The following DNMT1 variants were observed in gnomAD, a reference collection of about 807,000 sequenced individuals.
The protein encoded by DNMT1 is DNA methyltransferase 1.
In DNMT1, 24 loss-of-function variants were observed where a neutral mutation model predicts 205.3. The observed-to-expected ratio is 0.12, with a 90% confidence interval of 0.08 to 0.16. The LOEUF (loss-of-function observed/expected upper bound fraction) is 0.16. Among genes scored for constraint, DNMT1 ranks in the 10% least tolerant of loss-of-function variants. The probability of loss-of-function intolerance (pLI) is 1.00; values close to 1 mark genes in which losing one functional copy is unlikely to be tolerated. For synonymous variants in DNMT1, 817 were observed against 839.8 expected (o/e 0.97, Z 0.47); for missense variants, 1,293 against 2,177.7 (o/e 0.59, Z 8.09).
chr19:10,148,999 A>T lies in DNMT1; in HGVS notation c.2605T>A (p.Ser869Thr). The T allele has an allele frequency of 6.2e-7, 1 of 1,613,996 alleles. No individual in the cohort carries two copies. Among genetic ancestry groups the T allele is most frequent in the Non-Finnish European group, 8.5e-7 (1 of 1,180,008 alleles). ...TTCCCGTCGTCCCCCTCCAGCAGGG[A>T]CTCGGGATCCATGCCTCCCTTGGGA... ...WAMEGGMDPE[S>T]LLEGDDGKTY... Residue 869 changes from serine (S) to threonine (T), a missense_variant, in exon 27 of 41, where the codon TCC becomes ACC. By Grantham distance (58) the Ser-to-Thr change is moderately conservative (BLOSUM62 1). Coordinates refer to ENST00000359526, the MANE Select transcript of DNMT1 (RefSeq NM_001130823.3).
intron 8 of DNMT1, 37 bp downstream of exon 8, chr19:10,173,834 C>T (rs762785628): frequency 2.5e-6 from 4 of 1,610,964 alleles, no homozygotes; most frequent in Middle Eastern, 1.7e-4. Context: ...TTACACAACT[C>T]GTAGAACAAA....
At chr19:10,193,412 T>C (rs961345454) in intron 1 of DNMT1, among the ~76,000 whole-genome samples, 1 of 151,700 alleles carries the variant, frequency 6.6e-6, no homozygotes, top group Admixed American at 6.6e-5. Context: ...CAGGCTGGAG[T>C]GCAATAGCGC....
At position 10,162,676 on chromosome 19, in the gene DNMT1, C is replaced by A; in HGVS notation, c.999G>T (p.Glu333Asp). 1.2e-6 allele frequency: 2 copies of A among 1,612,854 alleles called. No homozygotes were observed. Among genetic ancestry groups the A allele is most frequent in the Non-Finnish European group, 1.7e-6 (2 of 1,179,648 alleles). ...AAAGTGAGACCTTTACCTTTTCATC[C>A]TCGTCTTTTTCATCAGAAATCTGTG... is the stretch of plus-strand genomic sequence containing the variant. ...VNPQISDEKDEDEKEEKRRKT... is the reference protein window; with the variant it reads ...VNPQISDEKDDDEKEEKRRKT... Residue 333 changes from glutamate (E) to aspartate (D), a missense_variant, in exon 13 of 41, where the codon GAG (glutamate) becomes GAT (aspartate). Glu to Asp is a conservative substitution (Grantham distance 45). Coordinates refer to ENST00000359526, the MANE Select transcript of DNMT1 (RefSeq NM_001130823.3).
intron 34 of DNMT1, among the ~76,000 whole-genome samples, chr19:10,139,392 G>C (rs547188976): frequency 1.8e-4 from 28 of 152,340 alleles, no homozygotes; most frequent in Admixed American, 3.3e-4. Flanking sequence ...CTTCCCCATC[G>C]AGGGAAAGGA....
chr19:10,193,930 G>A (rs2039350516), intron 1 of DNMT1, among the ~76,000 whole-genome samples: 1 of 152,176 alleles, frequency 6.6e-6, no homozygotes, highest in Admixed American at 6.6e-5. Context: ...TGGGACCAGT[G>A]CTCCCACTGA....
chr19:10,177,396 G>T, intron 5 of DNMT1, 29 bp from the exon 6 acceptor site: 10 of 1,445,842 alleles, frequency 6.9e-6, no homozygotes, highest in South Asian at 1.3e-5. Context: ...GCATTAAAAA[G>T]AAAAAAAAAA....
rs373344959 is a variant in DNMT1 at position 10,151,896 on chromosome 19, A to G, written c.2020-49T>C. 97 of 1,560,744 alleles carry G rather than the reference A, an allele frequency of 6.2e-5. No individual in the cohort carries two copies. The highest frequency in any genetic ancestry group is 8.4e-5 in the Non-Finnish European group (95 of 1,132,396). ...AAATCAGGGCTGGGCACAGTGGTTC[A>G]TGCCTGTAATCCCAGTATTTCAGAA... On this transcript the variant is annotated intron_variant, in intron 22 of 40. Transcript: ENST00000359526. This position sits in a 1 kb window ranked among gnomAD's most constrained non-coding sequence, Gnocchi z 5.0.
chr19:10,185,357 G>A (rs933490476), intron 1 of DNMT1, among the ~76,000 whole-genome samples: 3 of 150,436 alleles, frequency 2.0e-5, no homozygotes, highest in African/African-American at 7.3e-5. Context: ...CCCGGGAGGT[G>A]AAGCTTGCAG....
chr19:10,141,824 T>C, intron 30 of DNMT1: 1 of 608,734 alleles, frequency 1.6e-6, no homozygotes, highest in Non-Finnish European at 2.9e-6. Flanking sequence ...CCGGGACCAC[T>C]TGAATCTCAT....
chr19:10,183,085 ATATATATACACG>A (rs2039107724), intron 1 of DNMT1, among the ~76,000 whole-genome samples: 1 of 145,052 alleles, frequency 6.9e-6, no homozygotes, highest in African/African-American at 2.7e-5. Flanking sequence ...GTGTGTGTAT[ATATATATACACG>A]TATATATACG....
At chr19:10,142,283 A>G in intron 29 of DNMT1, 63 bp from the exon 30 acceptor site, 1 of 1,610,388 alleles carries the variant, frequency 6.2e-7, no homozygotes, top group Non-Finnish European at 8.5e-7. Flanking sequence ...TGAATTAAAC[A>G]GTACCATGTT....
rs34352285 is a variant in DNMT1 at position 10,162,141 on chromosome 19, ATTTT to A, written c.1008+522_1008+525del. On this transcript the variant is annotated intron_variant, in intron 13 of 40. Coordinates refer to ENST00000359526, the MANE Select transcript of DNMT1 (RefSeq NM_001130823.3). ...ACAGGCGTGAGCCGCTGTGCCCAGC[ATTTT>A]TTTTTTTTTTTGAGACAGAGTCTTG... 5.9e-4 allele frequency among the ~76,000 whole-genome samples: 80 copies of A among 135,322 alleles called. 1 individual carries two copies. Among genetic ancestry groups the A allele is most frequent in the Middle Eastern group, 4.8e-3 (1 of 210 alleles). The allele number at this position is 135,322 out of a possible 152,430, so 88.8% of individuals were successfully genotyped here.
chr19:10,156,521 A>G lies in DNMT1; in HGVS notation c.1281-12T>C. On this transcript the variant is annotated splice_polypyrimidine_tract_variant and intron_variant, in intron 17 of 40. Coordinates refer to ENST00000359526, the MANE Select transcript of DNMT1 (RefSeq NM_001130823.3). The surrounding 1 kb of genome is among the most constrained non-coding windows in gnomAD (Gnocchi z 4.2). ...GCTTACAGTACACACTAGACAGGAA[A>G]CAAAGCACATGCTTACCAGCTAAGC... 6.2e-7 allele frequency: 1 copy of G among 1,601,824 alleles called. No individual in the cohort carries two copies. Among genetic ancestry groups the G allele is most frequent in the South Asian group, 1.1e-5 (1 of 90,860 alleles).
intron 1 of DNMT1, 102 bp downstream of exon 1, chr19:10,194,714 GCGCC>G: frequency 8.4e-6 from 12 of 1,425,002 alleles, no homozygotes; most frequent in Middle Eastern, 2.0e-4. Flanking sequence ...CCACGCATGC[GCGCC>G]CGTCTGTCAG....
Position 10,136,109 on chromosome 19 carries a change from C to CT in DNMT1, c.4656+11dup. On this transcript the variant is annotated intron_variant, in intron 38 of 40. Transcript: ENST00000359526. ...CCTGACCCAGGCCCTCGGATGCCCC[C>CT]TCCCCACCTACCTGCTTGCCCATGG... The CT allele has an allele frequency of 6.2e-7, 1 of 1,613,920 alleles. No homozygotes were observed. Among genetic ancestry groups the CT allele is most frequent in the Non-Finnish European group, 8.5e-7 (1 of 1,180,034 alleles).
In DNMT1 at chr19:10,156,304, C is replaced by T; in HGVS notation, c.1399+87G>A. 1 of 1,093,576 alleles carries T rather than the reference C, an allele frequency of 9.1e-7. No individual in the cohort carries two copies. The highest frequency in any genetic ancestry group is 1.4e-6 in the Non-Finnish European group (1 of 714,994). The allele number at this position is 1,093,576 out of a possible 1,614,324, so 67.7% of individuals were successfully genotyped here. ...TCAAGTGATCCTCTGGCCTCAGACC[C>T]CCAAAGTGCTAGGATTACAGATGTG... On this transcript the variant is annotated intron_variant, in intron 18 of 40. Coordinates refer to ENST00000359526, the MANE Select transcript of DNMT1 (RefSeq NM_001130823.3). This position sits in a 1 kb window ranked among gnomAD's most constrained non-coding sequence, Gnocchi z 4.2.
Position 10,175,574 on chromosome 19 carries a change from G to A in DNMT1, c.614C>T (p.Ser205Leu), listed in dbSNP as rs781646588. ...GTCTTCTTCCTTGATGGACTCATCC[G>A]ATTTGGCTCTTTCAGACTCTTCCTG... ...KPQEESERAK[S>L]DESIKEEDKD... The change falls in exon 7 of 41, where the codon TCG (serine) becomes TTG (leucine). Residue 205 changes from serine to leucine, a missense_variant. Ser to Leu is a moderately radical substitution (Grantham distance 145). Around this residue, in one of 13 missense-constraint regions of DNMT1, gnomAD observed 394 missense variants for 451.6 expected, o/e 0.87. Coordinates refer to ENST00000359526, the MANE Select transcript of DNMT1 (RefSeq NM_001130823.3). 25 of 1,613,912 alleles carry A rather than the reference G, an allele frequency of 1.5e-5. No homozygotes were observed. The highest frequency in any genetic ancestry group is 1.3e-4 in the East Asian group (6 of 44,882).
At chr19:10,172,437 C>T (rs964372060) in intron 9 of DNMT1, among the ~76,000 whole-genome samples, 1 of 151,150 alleles carries the variant, frequency 6.6e-6, no homozygotes, top group Non-Finnish European at 1.5e-5. Flanking sequence ...TTTAGCACCT[C>T]GTACGTCTGA....
Position 10,136,151 on chromosome 19 carries a change from G to A in DNMT1, c.4626C>T (p.Thr1542=), listed in dbSNP as rs760037814. ...RLEWDGFFST[T]VTNPEPMGKQ... ...TGCCCATGGGCTCGGGGTTGGTGAC[G>A]GTTGTGCTGAAGAAGCCGTCCCACT... Residue 1542 remains threonine, a synonymous_variant, in exon 38 of 41, where the codon ACC becomes ACT. Transcript: ENST00000359526. 34 of 1,613,934 alleles carry A rather than the reference G, an allele frequency of 2.1e-5. No individual in the cohort carries two copies. Among genetic ancestry groups the A allele is most frequent in the Admixed American group, 1.5e-4 (9 of 60,008 alleles).
Sources: allele counts gnomAD v4.1 joint callset (sites outside exome capture counted in the v4.1 genomes callset), GRCh38; gene constraint gnomAD v4.1.1; regional missense constraint gnomAD v4.1.1; non-coding constraint Gnocchi (gnomAD v3.1); transcripts MANE v1.5; gene names NCBI Gene and HGNC (gene_info 2026-07-23, HGNC 2026-07-21).